OSBPL10: variants seen among roughly 807,000 people sequenced by gnomAD.
OSBPL10 encodes oxysterol-binding protein-related protein 10.
OSBPL10 carries 49 observed loss-of-function variants against 81.7 expected under a neutral mutation model. That is an observed-to-expected ratio of 0.60 (90% CI 0.48 to 0.76). The LOEUF is 0.76. Among genes scored for constraint, OSBPL10 ranks in the 30% least tolerant of loss-of-function variants. OSBPL10 has a pLI of 0.00. For synonymous variants in OSBPL10, 419 were observed against 383.6 expected (o/e 1.09, Z -1.08); for missense variants, 923 against 987.8 (o/e 0.93, Z 0.88).
At chr3:31,809,317 A>G (rs1575558718) in intron 4 of OSBPL10, among the ~76,000 whole-genome samples, 1 of 152,236 alleles carries the variant, frequency 6.6e-6, no homozygotes, top group African/African-American at 2.4e-5. Context: ...CAAGTAGAAC[A>G]TGTAATGGAA....
At chr3:31,913,917 T>C (rs188100346) in intron 1 of OSBPL10, among the ~76,000 whole-genome samples, 319 of 151,952 alleles carry the variant, frequency 2.1e-3, no homozygotes, top group Admixed American at 3.3e-3. Context: ...TATTTTTTGA[T>C]TGTTTGTTTG....
chr3:31,782,277 A>G (rs575942350), intron 4 of OSBPL10, among the ~76,000 whole-genome samples: 1 of 152,332 alleles, frequency 6.6e-6, no homozygotes, highest in East Asian at 1.9e-4. Flanking sequence ...ACCTTACACA[A>G]AAATCAACTC....
chr3:31,712,395 T>G (rs972359622), intron 6 of OSBPL10, among the ~76,000 whole-genome samples: 1 of 152,204 alleles, frequency 6.6e-6, no homozygotes, highest in East Asian at 1.9e-4. Context: ...TTTACACATG[T>G]GATTACGTTA....
At chr3:31,726,192 C>T (rs1052683318) in intron 6 of OSBPL10, among the ~76,000 whole-genome samples, 2 of 152,160 alleles carry the variant, frequency 1.3e-5, no homozygotes, top group East Asian at 1.9e-4. Context: ...TCATGAAAAT[C>T]CAGTGACCCA....
chr3:31,929,790 T>G (rs112686656), intron 1 of OSBPL10, among the ~76,000 whole-genome samples: 4 of 147,540 alleles, frequency 2.7e-5, no homozygotes, highest in Admixed American at 6.7e-5. Context: ...TCTTACTAAG[T>G]AAGAAAAGAA....
At chr3:31,723,459 G>C (rs1696714902) in intron 6 of OSBPL10, among the ~76,000 whole-genome samples, 1 of 151,876 alleles carries the variant, frequency 6.6e-6, no homozygotes, top group Admixed American at 6.6e-5. Context: ...ATGGCCATTT[G>C]AGTCCTACAT....
chr3:31,971,092 C>CT (rs1259082563), intron 1 of OSBPL10, among the ~76,000 whole-genome samples: 2 of 151,558 alleles, frequency 1.3e-5, no homozygotes, highest in African/African-American at 4.8e-5. Context: ...ACCTGTACTG[C>CT]TGCATCTAAT....
intron 2 of OSBPL10, among the ~76,000 whole-genome samples, chr3:32,021,710 A>G (rs764464054): frequency 6.6e-6 from 1 of 152,162 alleles, no homozygotes; most frequent in Non-Finnish European, 1.5e-5. Flanking sequence ...ATGATGGCTC[A>G]CACCTGTAAT....
chr3:31,735,606 T>C (rs1428559669), intron 5 of OSBPL10, among the ~76,000 whole-genome samples: 2 of 152,312 alleles, frequency 1.3e-5, no homozygotes, highest in African/African-American at 4.8e-5. Flanking sequence ...TTCTCAAATG[T>C]GCCAAGTTCA....
intron 8 of OSBPL10, among the ~76,000 whole-genome samples, chr3:31,674,059 A>G (rs757314036): frequency 5.3e-5 from 8 of 152,160 alleles, no homozygotes; most frequent in Non-Finnish European, 1.2e-4. Context: ...GTGACTAAAC[A>G]AACTCCTGTA....
At chr3:32,037,151 G>T (rs1322602117) in intron 2 of OSBPL10, among the ~76,000 whole-genome samples, 3 of 152,194 alleles carry the variant, frequency 2.0e-5, no homozygotes, top group African/African-American at 7.2e-5. Context: ...TGGAAGAAAA[G>T]CTCCCCTACG....
intron 11 of OSBPL10, 100 bp from the exon 12 acceptor site, chr3:31,662,216 T>TA: frequency 6.3e-7 from 1 of 1,585,746 alleles, no homozygotes; most frequent in South Asian, 1.2e-5. Context: ...TGCCGTGTCT[T>TA]AATACCTCAC....
chr3:31,926,350 T>C (rs1197270451), intron 1 of OSBPL10, among the ~76,000 whole-genome samples: 2 of 140,624 alleles, frequency 1.4e-5, no homozygotes, highest in South Asian at 4.9e-4. Context: ...CCAGAGAAGA[T>C]GCCATTACCA....
chr3:31,964,521 A>G (rs1392443586), intron 1 of OSBPL10, among the ~76,000 whole-genome samples: 3 of 152,242 alleles, frequency 2.0e-5, no homozygotes, highest in Non-Finnish European at 4.4e-5. Context: ...CCATCCACTC[A>G]TTAGAACCAA....
At chr3:31,960,773 T>C (rs1308864576) in intron 1 of OSBPL10, among the ~76,000 whole-genome samples, 2 of 152,118 alleles carry the variant, frequency 1.3e-5, no homozygotes, top group East Asian at 3.9e-4. Context: ...CCATGTGCCA[T>C]CTGTGCCCCT....
chr3:32,024,608 C>G (rs535403313), intron 2 of OSBPL10, among the ~76,000 whole-genome samples: 1 of 151,806 alleles, frequency 6.6e-6, no homozygotes, highest in South Asian at 2.1e-4. Context: ...CCTCAGCCCC[C>G]CCAGTAGCTG....
chr3:31,999,875 T>C (rs1699128211), intron 2 of OSBPL10, among the ~76,000 whole-genome samples: 1 of 152,192 alleles, frequency 6.6e-6, no homozygotes, highest in East Asian at 1.9e-4. Flanking sequence ...AAACCGGGCC[T>C]GAAAACCGAA....
chr3:31,844,682 T>A (rs1700584272), intron 3 of OSBPL10, among the ~76,000 whole-genome samples: 1 of 152,234 alleles, frequency 6.6e-6, no homozygotes, highest in Non-Finnish European at 1.5e-5. Flanking sequence ...CACAGGGTTT[T>A]ATTTTGTGGT....
chr3:31,715,505 C>G (rs1696403901), intron 6 of OSBPL10, among the ~76,000 whole-genome samples: 1 of 152,182 alleles, frequency 6.6e-6, no homozygotes, highest in East Asian at 1.9e-4. Flanking sequence ...ACGTTACTGC[C>G]ATGTCTATCT....
Sources: gnomAD v4.1 joint callset for allele counts (sites outside exome capture counted in the v4.1 genomes callset) on GRCh38, gnomAD v4.1.1 for gene constraint, MANE v1.5 for transcripts, NCBI Gene and HGNC (gene_info 2026-07-23, HGNC 2026-07-21) for gene names.